Variants in CFAP54 observed in about 807,000 individuals in gnomAD.
The protein encoded by CFAP54 is cilia- and flagella-associated protein 54.
A neutral mutation model predicts 370.4 loss-of-function variants in CFAP54; 290 were observed. That is an observed-to-expected ratio of 0.78 (90% CI 0.71 to 0.86). The LOEUF is 0.86. CFAP54 is among the 40% of genes least tolerant of loss of function. The pLI is 0.00. For missense variants in CFAP54, 3,399 were observed against 3,528.7 expected (o/e 0.96, Z 0.93); for synonymous variants, 1,206 against 1,236.5 (o/e 0.98, Z 0.52).
At chr12:96,856,104 G>T (rs991961945) in intron 66 of CFAP54, among the ~76,000 whole-genome samples, 1 of 152,084 alleles carries the variant, frequency 6.6e-6, no homozygotes, top group Non-Finnish European at 1.5e-5. Context: ...GAGCTGTACC[G>T]TGGCCCCTTT....
chr12:96,663,943 A>G lies in CFAP54; in HGVS notation c.5563+11A>G. ...TGCTTATCTCTTCAGGTCAGAACCA[A>G]TCTTAGCTTGAATGTTTGTTTTCTC... On this transcript the variant is annotated intron_variant, in intron 39 of 67. Transcript: ENST00000524981. 1 of 1,586,124 alleles carries G rather than the reference A, an allele frequency of 6.3e-7. No homozygotes were observed. The highest frequency in any genetic ancestry group is 8.6e-7 in the Non-Finnish European group (1 of 1,158,632).
intron 67 of CFAP54, among the ~76,000 whole-genome samples, chr12:96,865,365 A>C (rs916723875): frequency 3.3e-5 from 5 of 152,228 alleles, no homozygotes; most frequent in Admixed American, 2.6e-4. Flanking sequence ...AAAGAAAATC[A>C]AGTGTTGCAG....
intron 9 of CFAP54, among the ~76,000 whole-genome samples, chr12:96,528,096 C>T (rs1955403577): frequency 6.6e-6 from 1 of 152,040 alleles, no homozygotes; most frequent in South Asian, 2.1e-4. Flanking sequence ...TGATAGCAGA[C>T]TCCTTTGTCT....
chr12:96,612,635 A>G (rs925343427), intron 26 of CFAP54, among the ~76,000 whole-genome samples: 1 of 152,242 alleles, frequency 6.6e-6, no homozygotes, highest in African/African-American at 2.4e-5. Context: ...TGCTGTATTC[A>G]GGAGACCCAT....
At chr12:96,846,572 T>C (rs998330254) in intron 66 of CFAP54, among the ~76,000 whole-genome samples, 1 of 152,224 alleles carries the variant, frequency 6.6e-6, no homozygotes, top group African/African-American at 2.4e-5. Context: ...AGAGTAAGTC[T>C]GAATATGTAC....
chr12:96,720,299 C>T (rs543621054), intron 49 of CFAP54, 106 bp from the exon 50 acceptor site: 3 of 1,017,760 alleles, frequency 2.9e-6, no homozygotes, highest in Admixed American at 7.4e-5. Context: ...TTTTGGTCTT[C>T]CATTCATTGT....
chr12:96,827,063 A>T (rs1316118747), intron 65 of CFAP54, among the ~76,000 whole-genome samples: 1 of 138,854 alleles, frequency 7.2e-6, no homozygotes, highest in South Asian at 2.2e-4. Flanking sequence ...GTGATTATAT[A>T]TAATATGCAA....
chr12:96,563,990 C>G (rs1955839921), intron 17 of CFAP54, among the ~76,000 whole-genome samples: 1 of 152,186 alleles, frequency 6.6e-6, no homozygotes, highest in Non-Finnish European at 1.5e-5. Flanking sequence ...AATCTTGAGA[C>G]AGGCTCTGAT....
chr12:96,813,153 C>T lies in CFAP54; in HGVS notation c.8957+1311C>T, dbSNP rs115600904. 7.0e-3 allele frequency among the ~76,000 whole-genome samples: 1,066 copies of T among 152,262 alleles called. 11 individuals carry two copies. Among genetic ancestry groups the T allele is most frequent in the African/African-American group, 0.023 (976 of 41,540 alleles). On this transcript the variant is annotated intron_variant, in intron 64 of 67. Transcript: ENST00000524981. ...TTCTATAAAGTAGAAAGTCATCAAA[C>T]TGATAAGCTTCTTTTTTTTATTCCA... is the stretch of plus-strand genomic sequence containing the variant.
In CFAP54 at chr12:96,581,004, A is replaced by G. The variant is rs1405755374; in HGVS notation, c.2974A>G (p.Asn992Asp). 3 of 1,534,334 alleles carry G rather than the reference A, an allele frequency of 2.0e-6. No individual in the cohort carries two copies. The highest frequency in any genetic ancestry group is 3.9e-5 in the Admixed American group (2 of 50,836). ...KYVFAVAAYSNNGKLVGGAIG... is the reference protein window; with the variant it reads ...KYVFAVAAYSDNGKLVGGAIG... ...TGTATTTGCAGTTGCTGCCTATTCTAACAACGGAAAGCTTGTCGGTGGTGC... is the reference window on the plus strand; with the variant it reads ...TGTATTTGCAGTTGCTGCCTATTCTGACAACGGAAAGCTTGTCGGTGGTGC... Residue 992 changes from asparagine (N) to aspartate (D), a missense_variant, in exon 22 of 68, where the codon AAC becomes GAC. Coordinates refer to ENST00000524981, the MANE Select transcript of CFAP54 (RefSeq NM_001306084.2).
At chr12:96,821,962 G>T (rs1047155064) in intron 65 of CFAP54, among the ~76,000 whole-genome samples, 7 of 152,074 alleles carry the variant, frequency 4.6e-5, no homozygotes, top group African/African-American at 1.7e-4. Flanking sequence ...GGTTGACATG[G>T]GGGGAAGGTA....
intron 8 of CFAP54, among the ~76,000 whole-genome samples, chr12:96,525,161 A>T (rs1592831628): frequency 2.7e-5 from 4 of 149,820 alleles, no homozygotes; most frequent in Admixed American, 2.0e-4. Flanking sequence ...ATTTGTTTAA[A>T]TTTTTTTTTT....
chr12:96,667,065 T>C (rs796886468), intron 39 of CFAP54, among the ~76,000 whole-genome samples: 13 of 152,314 alleles, frequency 8.5e-5, no homozygotes, highest in African/African-American at 2.9e-4. Flanking sequence ...AGTTCCAAAA[T>C]GATTACCCTT....
intron 48 of CFAP54, among the ~76,000 whole-genome samples, chr12:96,714,117 C>A (rs574112688): frequency 7.8e-4 from 118 of 152,190 alleles, no homozygotes; most frequent in Non-Finnish European, 1.3e-3. Context: ...TATATAAGAC[C>A]ATAATCATAT....
At position 96,738,608 on chromosome 12, in the gene CFAP54, C is replaced by CTTTTTTT. The variant is rs71068829; in HGVS notation, c.6966-1333_6966-1327dup. Among the ~76,000 whole-genome samples, 4 of 129,240 alleles carry CTTTTTTT rather than the reference C, an allele frequency of 3.1e-5. 1 individual carries two copies. The highest frequency in any genetic ancestry group is 2.5e-4 in the East Asian group (1 of 3,936). 84.8% of individuals were successfully genotyped at this position (129,240 alleles called of 152,430 possible). A position where few individuals can be genotyped will look rare whatever the true frequency, so the allele number is the denominator to read the frequency against. ...CCAAGCACGTCTATGTCTAAATCTC[C>CTTTTTTT]TTTTTTTTTTTTTTTTTTTTTGAAA... On this transcript the variant is annotated intron_variant, in intron 50 of 67. Coordinates refer to ENST00000524981, the MANE Select transcript of CFAP54 (RefSeq NM_001306084.2).
At chr12:96,665,524 A>G (rs1957071118) in intron 39 of CFAP54, among the ~76,000 whole-genome samples, 1 of 152,180 alleles carries the variant, frequency 6.6e-6, no homozygotes, top group South Asian at 2.1e-4. Flanking sequence ...GTTTAGTTTC[A>G]ATCTTCTATA....
intron 67 of CFAP54, among the ~76,000 whole-genome samples, chr12:96,868,547 G>A (rs1468459298): frequency 1.3e-5 from 2 of 149,054 alleles, no homozygotes; most frequent in East Asian, 3.9e-4. Flanking sequence ...TTTGTTTATG[G>A]TTCAGTGGTT....
rs775726652 is a variant in CFAP54, at chr12:96,704,801, G to C, written c.6528+5G>C. 6.7e-6 allele frequency: 7 copies of C among 1,038,418 alleles called. No homozygotes were observed. The South Asian group carries it at 9.3e-5, about 14-fold the overall frequency. The allele number at this position is 1,038,418 out of a possible 1,614,324, so 64.3% of individuals were successfully genotyped here. ...ACCAGTAAAGAAAATATACAGGTAA[G>C]GATAATAATATTTTATAAACATGGT... On this transcript the variant is annotated splice_donor_5th_base_variant and intron_variant, in intron 47 of 67. Coordinates refer to ENST00000524981, the MANE Select transcript of CFAP54 (RefSeq NM_001306084.2).
chr12:96,686,315 GTTAC>G (rs1164378927), intron 42 of CFAP54, among the ~76,000 whole-genome samples: 3 of 152,118 alleles, frequency 2.0e-5, no homozygotes, highest in African/African-American at 7.2e-5. Flanking sequence ...TTTTCACTTA[GTTAC>G]TTACCTCTTT....
Sources: allele counts gnomAD v4.1 joint callset (sites outside exome capture counted in the v4.1 genomes callset), GRCh38; gene constraint gnomAD v4.1.1; transcripts MANE v1.5; gene names NCBI Gene and HGNC (gene_info 2026-07-23, HGNC 2026-07-21).